Variants in POLA1 observed in about 807,000 individuals in gnomAD.
POLA1 encodes the protein DNA polymerase alpha 1, catalytic subunit.
In POLA1, 15 loss-of-function variants were observed where a neutral mutation model predicts 124.0. The observed-to-expected ratio is 0.12, with a 90% CI of 0.08 to 0.19. POLA1 has a LOEUF of 0.19. Ranked by LOEUF, POLA1 falls within the 10% of genes least tolerant of loss-of-function variation. The pLI, the probability that POLA1 is intolerant of heterozygous loss-of-function variation, is 1.00. For missense variants in POLA1, 886 were observed against 1,103.4 expected, an observed-to-expected ratio of 0.80 and a Z score of 2.79; for synonymous variants, 408 against 389.4, an observed-to-expected ratio of 1.05 and a Z score of -0.56.
intron 4 of POLA1, among the ~76,000 whole-genome samples, chrX:24,709,163 C>T (rs1929085282): frequency 1.2e-5 from 1 of 84,649 alleles, no homozygotes; most frequent in Non-Finnish European, 2.4e-5. Context: ...CCCCTCACCT[C>T]CCGGACGGGG....
chrX:24,853,150 T>G (rs1051546716), intron 34 of POLA1, among the ~76,000 whole-genome samples: 15 of 112,359 alleles, frequency 1.3e-4, no homozygotes, highest in Admixed American at 1.2e-3. Context: ...GAGACCTCTT[T>G]AAAATTTTCC....
chrX:24,872,889 T>C (rs2046884607), intron 34 of POLA1, among the ~76,000 whole-genome samples: 2 of 111,716 alleles, frequency 1.8e-5, no homozygotes, highest in South Asian at 7.6e-4. Flanking sequence ...TGAGTTTATT[T>C]TTTAGAGCAG....
At chrX:24,735,243 A>C (rs1170794644) in intron 17 of POLA1, among the ~76,000 whole-genome samples, 156 bp from the exon 18 acceptor site, 1 of 112,365 alleles carries the variant, frequency 8.9e-6, no homozygotes, top group Admixed American at 9.4e-5. Flanking sequence ...TATTACTATG[A>C]AACCTACAAT....
intron 18 of POLA1, among the ~76,000 whole-genome samples, chrX:24,736,662 A>C (rs746326306): frequency 7.1e-5 from 8 of 112,162 alleles, no homozygotes; most frequent in Non-Finnish European, 1.5e-4. Context: ...CTAGTGGTAA[A>C]ATACATATAA....
intron 16 of POLA1, among the ~76,000 whole-genome samples, 153 bp downstream of exon 16, chrX:24,732,607 T>G (rs1204051474): frequency 9.2e-6 from 1 of 108,434 alleles, no homozygotes; most frequent in Non-Finnish European, 1.9e-5. Context: ...TTGTTTTTTT[T>G]TTTTTTGCCA....
chrX:24,753,653 C>A (rs148885962), intron 26 of POLA1, among the ~76,000 whole-genome samples: 1,382 of 112,077 alleles, frequency 0.012, 23 homozygotes, highest in African/African-American at 0.042. Context: ...CTGTGCCTGG[C>A]TTTATTGGGG....
chrX:24,914,597 A>G (rs2047503279), intron 35 of POLA1, among the ~76,000 whole-genome samples: 1 of 110,176 alleles, frequency 9.1e-6, no homozygotes, highest in Non-Finnish European at 1.9e-5. Context: ...GTGTCAGGCC[A>G]CTCATGCAAG....
chrX:24,946,491 T>C (rs1344949243), intron 36 of POLA1, among the ~76,000 whole-genome samples: 1 of 111,667 alleles, frequency 9.0e-6, no homozygotes, highest in Non-Finnish European at 1.9e-5. Context: ...GGACTGCACC[T>C]TGTTGGTACC....
chrX:24,727,711 G>A, intron 14 of POLA1, 71 bp from the exon 15 acceptor site: 3 of 859,059 alleles, frequency 3.5e-6, no homozygotes, highest in Non-Finnish European at 5.0e-6. Flanking sequence ...GTTAATGACA[G>A]ATGTCTTAAT....
chrX:24,970,553 T>G (rs1021338353), intron 36 of POLA1, among the ~76,000 whole-genome samples: 2 of 110,726 alleles, frequency 1.8e-5, no homozygotes, highest in Non-Finnish European at 3.8e-5. Context: ...TTGCAATCTA[T>G]CCATCTGACA....
intron 36 of POLA1, among the ~76,000 whole-genome samples, chrX:24,986,488 T>G (rs2048482904): frequency 9.2e-6 from 1 of 108,634 alleles, no homozygotes; most frequent in Admixed American, 9.9e-5. Flanking sequence ...ATATATATAG[T>G]CAGGTGACCG....
At chrX:24,747,892 G>A (rs766615774) in intron 24 of POLA1, among the ~76,000 whole-genome samples, 24 of 110,717 alleles carry the variant, frequency 2.2e-4, no homozygotes, top group African/African-American at 7.2e-4. Context: ...CCGCCACCGC[G>A]CCTGGCTAAT....
At chrX:24,913,289 G>A (rs768383155) in intron 35 of POLA1, among the ~76,000 whole-genome samples, 23 of 111,911 alleles carry the variant, frequency 2.1e-4, no homozygotes, top group Admixed American at 1.5e-3. Context: ...CTATAATGAT[G>A]TAGAGAACAG....
chrX:24,960,501 A>G (rs1272633154), intron 36 of POLA1, among the ~76,000 whole-genome samples: 1 of 111,749 alleles, frequency 8.9e-6, no homozygotes, highest in Non-Finnish European at 1.9e-5. Flanking sequence ...ACAGTATCAG[A>G]AAGATTCGAT....
chrX:24,829,402 C>T (rs1048390023), intron 32 of POLA1, among the ~76,000 whole-genome samples: 16 of 111,559 alleles, frequency 1.4e-4, no homozygotes, highest in African/African-American at 5.2e-4. Context: ...TCCTCTCCTG[C>T]TTGTCCTCTT....
chrX:24,862,077 G>A, intron 34 of POLA1, among the ~76,000 whole-genome samples: 1 of 111,532 alleles, frequency 9.0e-6, no homozygotes, highest in East Asian at 2.8e-4. Flanking sequence ...TGTATCTTCA[G>A]CTGTGTAAAA....
At chrX:24,791,683 C>G (rs1398636351) in intron 26 of POLA1, among the ~76,000 whole-genome samples, 1 of 112,273 alleles carries the variant, frequency 8.9e-6, no homozygotes, top group Non-Finnish European at 1.9e-5. Flanking sequence ...CACGCCCGGC[C>G]TATTGTATTG....
chrX:24,767,287 T>G (rs772545346), intron 26 of POLA1, among the ~76,000 whole-genome samples: 2 of 111,657 alleles, frequency 1.8e-5, no homozygotes, highest in African/African-American at 6.5e-5. Flanking sequence ...GCCTCCTAAT[T>G]TATTCTTTTT....
Position 24,863,958 on chromosome X carries a change from C to CTATTTATT in POLA1, c.4047+20315_4047+20322dup, listed in dbSNP as rs61095074. 6.7e-3 allele frequency among the ~76,000 whole-genome samples: 650 copies of CTATTTATT among 96,965 alleles called. 5 individuals carry two copies. The highest frequency in any genetic ancestry group is 0.015 in the Middle Eastern group (3 of 200). The allele number at this position is 96,965 out of a possible 115,157, so 84.2% of individuals were successfully genotyped here. Reference sequence around the variant, plus strand: ...CCCTTTCATTTTCGTTTTTCTGGAACTATTTATTTATTTATTTATTTATTT... The same window carrying CTATTTATT: ...CCCTTTCATTTTCGTTTTTCTGGAACTATTTATTTATTTATTTATTTATTTATTTATTT... On this transcript the variant is annotated intron_variant, in intron 34 of 36. Coordinates refer to ENST00000379068, the MANE Select transcript of POLA1 (RefSeq NM_001330360.2).
Sources: gnomAD v4.1 joint callset for allele counts (sites outside exome capture counted in the v4.1 genomes callset) on GRCh38, gnomAD v4.1.1 for gene constraint, MANE v1.5 for transcripts, NCBI Gene and HGNC (gene_info 2026-07-23, HGNC 2026-07-21) for gene names.